The following DDX55 variants were observed in gnomAD, a reference collection of about 807,000 sequenced individuals.
DDX55 encodes ATP-dependent RNA helicase DDX55.
Under a neutral mutation model 69.2 loss-of-function variants are expected in DDX55, and 56 were observed. The observed-to-expected ratio is 0.81, with a 90% CI of 0.65 to 1.01. The LOEUF is 1.01. Among genes scored for constraint, DDX55 ranks in the 50% least tolerant of loss-of-function variants. The probability of loss-of-function intolerance (pLI) is 0.00; values close to 1 mark genes in which losing one functional copy is unlikely to be tolerated. For missense variants in DDX55, 720 were observed against 745.1 expected, an observed-to-expected ratio of 0.97 and a Z score of 0.39; for synonymous variants, 268 against 273.1, an observed-to-expected ratio of 0.98 and a Z score of 0.18.
chr12:123,606,199 A>G lies in DDX55; in HGVS notation c.246+40A>G, dbSNP rs1192238851. 3 of 1,607,042 alleles carry G rather than the reference A, an allele frequency of 1.9e-6. No homozygotes were observed. The African/African-American group carries it at 4.0e-5, about 22-fold the overall frequency. On this transcript the variant is annotated intron_variant, in intron 3 of 13. Transcript: ENST00000238146. ...AGTGATTTATTTTCACCTAGTCATC[A>G]GAGAGTTCACATTGGATTAAGAAGC...
At chr12:123,609,570 A>C (rs560062852) in intron 6 of DDX55, among the ~76,000 whole-genome samples, 1 of 151,328 alleles carries the variant, frequency 6.6e-6, no homozygotes, top group South Asian at 2.1e-4. Flanking sequence ...ACAAGATCCC[A>C]TTATGTTGCC....
At chr12:123,611,666 A>G (rs117910002) in intron 7 of DDX55, among the ~76,000 whole-genome samples, 1,806 of 152,342 alleles carry the variant, frequency 0.012, 20 homozygotes, top group Non-Finnish European at 0.017. Flanking sequence ...GATTAAAGGT[A>G]GAATGAGTTT....
chr12:123,602,505 C>T (rs1293099046), intron 1 of DDX55, among the ~76,000 whole-genome samples: 1 of 152,248 alleles, frequency 6.6e-6, no homozygotes, highest in African/African-American at 2.4e-5. Context: ...CATCCTGGCC[C>T]TGCTCGCTGT....
At chr12:123,603,392 CTTTTTTTTT>C (rs11438746) in intron 1 of DDX55, among the ~76,000 whole-genome samples, 1 of 128,572 alleles carries the variant, frequency 7.8e-6, no homozygotes, top group South Asian at 2.5e-4. Flanking sequence ...GGTTTTTATT[CTTTTTTTTT>C]TTTTTTTTGA....
At chr12:123,613,041 T>A in intron 7 of DDX55, 129 bp from the exon 8 acceptor site, 1 of 886,206 alleles carries the variant, frequency 1.1e-6, no homozygotes, top group Middle Eastern at 3.3e-4. Context: ...CAGTTAACAT[T>A]CCGACTAAAG....
chr12:123,616,110 A>T (rs1031562530), intron 9 of DDX55, among the ~76,000 whole-genome samples: 1 of 152,214 alleles, frequency 6.6e-6, no homozygotes, highest in African/African-American at 2.4e-5. Flanking sequence ...GACAAATAAT[A>T]GTTTTCTGTT....
chr12:123,617,106 T>G (rs1444833916), intron 10 of DDX55, among the ~76,000 whole-genome samples: 6 of 152,202 alleles, frequency 3.9e-5, no homozygotes, highest in Non-Finnish European at 8.8e-5. Flanking sequence ...ATTGTGCCAC[T>G]TCACTCCAGC....
In DDX55 at chr12:123,619,159, C is replaced by T. The variant is rs577697825; in HGVS notation, c.1334-273C>T. Among the ~76,000 whole-genome samples the T allele has an allele frequency of 1.5e-3, 233 of 152,316 alleles. 1 individual carries two copies. Among genetic ancestry groups the T allele is most frequent in the African/African-American group, 5.2e-3 (218 of 41,564 alleles). On this transcript the variant is annotated intron_variant, in intron 12 of 13. Coordinates refer to ENST00000238146, the MANE Select transcript of DDX55 (RefSeq NM_020936.3). ...CTGGGACTACAGGCGCCCGCCACCA[C>T]GCCCAGCTAATTTTTTGTATTTTTT...
At chr12:123,607,175 G>C (rs1010909074) in intron 3 of DDX55, among the ~76,000 whole-genome samples, 2 of 152,230 alleles carry the variant, frequency 1.3e-5, no homozygotes, top group African/African-American at 4.8e-5. Context: ...CTAACCCTGT[G>C]TTTCCCCTGT....
rs779772073 is a variant in DDX55 at position 123,619,584 on chromosome 12, C to G, written c.1486C>G (p.Gln496Glu). 1 of 1,613,214 alleles carries G rather than the reference C, an allele frequency of 6.2e-7. No individual in the cohort carries two copies. The highest frequency in any genetic ancestry group is 8.5e-7 in the Non-Finnish European group (1 of 1,179,898). Residue 496 changes from glutamine (Q) to glutamate (E), a missense_variant, in exon 13 of 14, where the codon CAG (glutamine) becomes GAG (glutamate). Coordinates refer to ENST00000238146, the MANE Select transcript of DDX55 (RefSeq NM_020936.3). The part of the protein sequence containing the change: ...FKDKIREKQR[Q>E]KLLEQQRREK... ...AGATAAAATCAGAGAAAAGCAGAGG[C>G]AGAAACTCCTGGAGCAACAAAGAAG... is the stretch of plus-strand genomic sequence containing the variant.
rs758554673 is a variant in DDX55, at chr12:123,602,225, AG to A, written c.78del (p.Glu26AspfsTer7). ...LHPQVLGALR[E>X]LGFPYMTPVQ... ...CCGCAGGTGCTGGGCGCGCTGCGGG[AG>A]CTGGGCTTCCCGTACATGACGCCGG... On this transcript the variant is annotated frameshift_variant, in exon 1 of 14. Coordinates refer to ENST00000238146, the MANE Select transcript of DDX55 (RefSeq NM_020936.3). LOFTEE classifies it high-confidence loss of function. 2.5e-6 allele frequency: 4 copies of A among 1,570,462 alleles called. No homozygotes were observed. The highest frequency in any genetic ancestry group is 1.8e-5 in the Admixed American group (1 of 54,252).
Position 123,608,855 on chromosome 12 carries a change from T to G in DDX55, c.551+26T>G, listed in dbSNP as rs767189790. The stretch of plus-strand genomic sequence containing the variant: ...GTACTGGACTTTGGACTTCACTGGC[T>G]TGAGTGGGCAGATGATACTAATACA... On this transcript the variant is annotated intron_variant, in intron 6 of 13. Transcript: ENST00000238146. 7 of 1,602,762 alleles carry G rather than the reference T, an allele frequency of 4.4e-6. No homozygotes were observed. In the East Asian group the frequency reaches 1.6e-4, roughly 36 times the overall value.
chr12:123,616,554 A>G lies in DDX55; in HGVS notation c.1000A>G (p.Ile334Val). Reference protein sequence around the residue: ...CTDVMARGIDIPEVNWVLQYD... With the variant: ...CTDVMARGIDVPEVNWVLQYD... ...TGATGTGATGGCCCGGGGAATTGAT[A>G]TTCCTGAAGTCAACTGGGTTTTGCA... The change falls in exon 10 of 14, where the codon ATT becomes GTT. Residue 334 changes from isoleucine (I) to valine (V), a missense_variant. Ile to Val is a conservative substitution (Grantham distance 29). Coordinates refer to ENST00000238146, the MANE Select transcript of DDX55 (RefSeq NM_020936.3). 1 of 1,614,094 alleles carries G rather than the reference A, an allele frequency of 6.2e-7. No homozygotes were observed. Among genetic ancestry groups the G allele is most frequent in the Non-Finnish European group, 8.5e-7 (1 of 1,180,014 alleles).
chr12:123,620,212 T>A lies in DDX55; in HGVS notation c.*72T>A, dbSNP rs953114285. 61 of 1,483,684 alleles carry A rather than the reference T, an allele frequency of 4.1e-5. No homozygotes were observed. The highest frequency in any genetic ancestry group is 5.4e-5 in the Non-Finnish European group (59 of 1,099,028). The allele number at this position is 1,483,684 out of a possible 1,614,324, so 91.9% of individuals were successfully genotyped here. ...TTGGTGGATGGCTCCAGTTTGCTTT[T>A]AACGAAAATCACAACTTCAGGAGAC... On this transcript the variant is annotated 3_prime_UTR_variant, in exon 14 of 14. Transcript: ENST00000238146.
intron 10 of DDX55, among the ~76,000 whole-genome samples, chr12:123,617,374 C>T (rs1413218046): frequency 6.6e-6 from 1 of 152,186 alleles, no homozygotes; most frequent in African/African-American, 2.4e-5. Flanking sequence ...ATACATGCTT[C>T]CACGCATAGG....
Position 123,620,628 on chromosome 12 carries a change from A to ATATATATATAT in DDX55, c.*488_*489insTATATATATAT, listed in dbSNP as rs1955073997. ...TATATATATATATATATATATATAT[A>ATATATATATAT]AGCTCTTTTTTCTGAGGCTATTTTA... On this transcript the variant is annotated 3_prime_UTR_variant, in exon 14 of 14. Transcript: ENST00000238146. The ATATATATATAT allele has an allele frequency of 1.3e-4, 12 of 93,038 alleles. No individual in the cohort carries two copies. Among genetic ancestry groups the ATATATATATAT allele is most frequent in the Non-Finnish European group, 2.0e-4 (9 of 44,800 alleles). The allele number at this position is 93,038 out of a possible 1,614,324, so 5.8% of individuals were successfully genotyped here. A position where few individuals can be genotyped will look rare whatever the true frequency, so the allele number is the denominator to read the frequency against.
At chr12:123,618,881 T>C (rs1954913620) in intron 12 of DDX55, 44 bp downstream of exon 12, 3 of 1,599,590 alleles carry the variant, frequency 1.9e-6, no homozygotes, top group Non-Finnish European at 2.6e-6. Context: ...ATCTTAACTA[T>C]GTGGTGGTCT....
At chr12:123,618,882 G>A in intron 12 of DDX55, 45 bp downstream of exon 12, 3 of 1,599,402 alleles carry the variant, frequency 1.9e-6, no homozygotes, top group South Asian at 1.1e-5. Flanking sequence ...TCTTAACTAT[G>A]TGGTGGTCTT....
chr12:123,608,680 T>C lies in DDX55; in HGVS notation c.402T>C (p.Gly134=), dbSNP rs774718448. 7 of 1,612,176 alleles carry C rather than the reference T, an allele frequency of 4.3e-6. No individual in the cohort carries two copies. In the Admixed American group the frequency reaches 1.0e-4, roughly 23 times the overall value. ...GTAAATGTTAACTTTCTTTCCAAAGTGGGAACATCATTGTGGCCACTCCAG... is the reference window on the plus strand; with the variant it reads ...GTAAATGTTAACTTTCTTTCCAAAGCGGGAACATCATTGTGGCCACTCCAG... ...GEDVERFKQQ[G]GNIIVATPGR... is the part of the protein sequence containing the mutation. Residue 134 remains glycine, a splice_region_variant and synonymous_variant, in exon 6 of 14, where the codon GGT becomes GGC. Transcript: ENST00000238146.
Sources: gnomAD v4.1 joint callset for allele counts (sites outside exome capture counted in the v4.1 genomes callset) on GRCh38, gnomAD v4.1.1 for gene constraint, MANE v1.5 for transcripts, NCBI Gene and HGNC (gene_info 2026-07-23, HGNC 2026-07-21) for gene names.